MGRN1: variants seen among roughly 807,000 people sequenced by gnomAD.
MGRN1 encodes the protein E3 ubiquitin-protein ligase MGRN1.
MGRN1 carries 29 observed loss-of-function variants against 69.2 expected under a neutral mutation model. The observed-to-expected ratio is 0.42, with a 90% confidence interval of 0.31 to 0.57. The LOEUF is 0.57. Ranked by LOEUF, MGRN1 falls within the 20% of genes least tolerant of loss-of-function variation. MGRN1 has a pLI of 0.15. For missense variants in MGRN1, 998 were observed against 796.2 expected (o/e 1.25, Z -3.05); for synonymous variants, 470 against 344.2 (o/e 1.37, Z -4.04).
In MGRN1 at chr16:4,688,903, C is replaced by G; in HGVS notation, c.1726C>G (p.Leu576Val). 1 of 1,542,164 alleles carries G rather than the reference C, an allele frequency of 6.5e-7. No individual in the cohort carries two copies. The highest frequency in any genetic ancestry group is 8.8e-7 in the Non-Finnish European group (1 of 1,140,178). Reference sequence around the variant, plus strand: ...TCCCAGCGCCGCCGAGCTGACCCCACTCTGAGAGCCTGGCCGAGCTGGCAG... The same window carrying G: ...TCCCAGCGCCGCCGAGCTGACCCCAGTCTGAGAGCCTGGCCGAGCTGGCAG... ...PDPSAAELTPL is the reference protein window; with the variant it reads ...PDPSAAELTPV Residue 576 changes from leucine (L) to valine (V), a missense_variant, in exon 17 of 17, where the codon CTC becomes GTC. By Grantham distance (32) the Leu-to-Val change is conservative. Transcript: ENST00000262370.
At position 4,688,416 on chromosome 16, in the gene MGRN1, C is replaced by T. The variant is rs117079447; in HGVS notation, c.1619-380C>T. 6.2e-3 allele frequency: 6,458 copies of T among 1,034,088 alleles called. 35 individuals carry two copies. Among genetic ancestry groups the T allele is most frequent in the Middle Eastern group, 0.013 (28 of 2,174 alleles). The allele number at this position is 1,034,088 out of a possible 1,614,324, so 64.1% of individuals were successfully genotyped here. A position where few individuals can be genotyped will look rare whatever the true frequency, so the allele number is the denominator to read the frequency against. ...CCTGCACCCTGGGTTGACCGAGTTC[C>T]ACCCTAACCCAGCCGTAAGAACCTT... On this transcript the variant is annotated intron_variant, in intron 16 of 16. Transcript: ENST00000262370.
chr16:4,646,422 CAA>C (rs530306184), intron 1 of MGRN1, among the ~76,000 whole-genome samples: 9 of 140,628 alleles, frequency 6.4e-5, no homozygotes, highest in African/African-American at 7.7e-5. Flanking sequence ...GACCCTGTCT[CAA>C]AAAAAAAAAA....
intron 10 of MGRN1, among the ~76,000 whole-genome samples, chr16:4,674,578 C>CTTTTTT (rs113342903): frequency 8.4e-6 from 1 of 119,014 alleles, no homozygotes; most frequent in African/African-American, 3.3e-5. Context: ...TGAGCCACCG[C>CTTTTTT]TTTTTTTTTT....
At chr16:4,653,519 C>T (rs527610819) in intron 4 of MGRN1, among the ~76,000 whole-genome samples, 2 of 152,342 alleles carry the variant, frequency 1.3e-5, no homozygotes, top group African/African-American at 4.8e-5. Context: ...GACGAAGCCT[C>T]ACTCTGCTGC....
chr16:4,678,567 A>G (rs1316740687), intron 11 of MGRN1, among the ~76,000 whole-genome samples: 2 of 152,100 alleles, frequency 1.3e-5, no homozygotes, highest in Admixed American at 6.5e-5. Context: ...ACAGGGTGAG[A>G]GAGATGTGGA....
chr16:4,645,154 G>A (rs1191534720), intron 1 of MGRN1, among the ~76,000 whole-genome samples: 1 of 148,570 alleles, frequency 6.7e-6, no homozygotes, highest in Non-Finnish European at 1.5e-5. Context: ...GCGGGGGTGG[G>A]GGTGGTGGTG....
chr16:4,631,223 A>G (rs557619255), intron 1 of MGRN1, among the ~76,000 whole-genome samples: 1 of 152,208 alleles, frequency 6.6e-6, no homozygotes, highest in Non-Finnish European at 1.5e-5. Flanking sequence ...AGAGACTATC[A>G]TCTTCCCATC....
chr16:4,658,286 A>G (rs1261698464), intron 5 of MGRN1, among the ~76,000 whole-genome samples: 1 of 151,618 alleles, frequency 6.6e-6, no homozygotes, highest in Non-Finnish European at 1.5e-5. Flanking sequence ...CTGTAATCCC[A>G]GCACTTTGGG....
At chr16:4,644,525 G>A (rs866177740) in intron 1 of MGRN1, among the ~76,000 whole-genome samples, 15 of 151,826 alleles carry the variant, frequency 9.9e-5, no homozygotes. Flanking sequence ...GGTCAGGCTG[G>A]TCTCCAACTC....
At chr16:4,655,056 C>A (rs1266401947) in intron 4 of MGRN1, among the ~76,000 whole-genome samples, 1 of 152,212 alleles carries the variant, frequency 6.6e-6, no homozygotes, top group East Asian at 1.9e-4. Context: ...AGGGCAGGCC[C>A]CTCTGTCCCC....
intron 5 of MGRN1, among the ~76,000 whole-genome samples, chr16:4,660,348 C>T (rs74638901): frequency 0.02 from 3,066 of 152,354 alleles, 57 homozygotes; most frequent in Middle Eastern, 0.037. Context: ...TACCTGGAGC[C>T]GCCCACTGTA....
At chr16:4,648,747 G>A (rs1299310308) in intron 1 of MGRN1, among the ~76,000 whole-genome samples, 4 of 121,788 alleles carry the variant, frequency 3.3e-5, no homozygotes, top group African/African-American at 3.5e-5. Context: ...GACTCTTCCC[G>A]TGGTCACCCG....
Position 4,682,836 on chromosome 16 carries a change from C to A in MGRN1, c.1372C>A (p.Pro458Thr). The change falls in exon 14 of 17, where the codon CCG (proline) becomes ACG (threonine). Residue 458 changes from proline (P) to threonine (T), a missense_variant. Transcript: ENST00000262370. ...CTCTGTCCCCAGCACCCTACGGTCC[C>A]CGTCTTCCCCCATCCACGAAGAGGA... ...SKAPDSTLRS[P>T]SSPIHEEDEE... is the part of the protein sequence containing the mutation. 1.3e-6 allele frequency: 2 copies of A among 1,592,404 alleles called. No homozygotes were observed. Among genetic ancestry groups the A allele is most frequent in the Non-Finnish European group, 1.7e-6 (2 of 1,165,486 alleles).
intron 7 of MGRN1, among the ~76,000 whole-genome samples, chr16:4,667,586 C>T (rs562774883): frequency 2.6e-5 from 4 of 152,336 alleles, no homozygotes; most frequent in Middle Eastern, 6.8e-3. Flanking sequence ...TGGAGTCCAA[C>T]ATTCTGGAAA....
chr16:4,650,275 C>T, intron 1 of MGRN1, 90 bp from the exon 2 acceptor site: 1 of 1,019,410 alleles, frequency 9.8e-7, no homozygotes, highest in South Asian at 1.6e-5. Context: ...TGCACTCCAG[C>T]CTGGGTGGAG....
chr16:4,683,085 T>C, intron 14 of MGRN1, 139 bp downstream of exon 14: 3 of 1,497,266 alleles, frequency 2.0e-6, no homozygotes, highest in Non-Finnish European at 2.7e-6. Context: ...GCGCGGCTCC[T>C]TAGCCTCGGT....
intron 1 of MGRN1, among the ~76,000 whole-genome samples, chr16:4,641,450 A>C (rs544255255): frequency 6.6e-6 from 1 of 150,834 alleles, no homozygotes; most frequent in South Asian, 2.1e-4. Context: ...CTGGGCTCGC[A>C]TGGTCCTTCT....
At chr16:4,628,143 T>C (rs1897789610) in intron 1 of MGRN1, among the ~76,000 whole-genome samples, 1 of 150,108 alleles carries the variant, frequency 6.7e-6, no homozygotes, top group South Asian at 2.1e-4. Flanking sequence ...TCCCAGCACT[T>C]TGGGAGGCCG....
chr16:4,674,831 G>A lies in MGRN1; in HGVS notation c.955+1174G>A, dbSNP rs549165010. ...AATTTTTTGTATTTTTAGTAGAGAC[G>A]GGGTTTCACCTTGTTAGCCAGGATG... On this transcript the variant is annotated intron_variant, in intron 10 of 16. Coordinates refer to ENST00000262370, the MANE Select transcript of MGRN1 (RefSeq NM_015246.4). Among the ~76,000 whole-genome samples the A allele has an allele frequency of 3.8e-3, 560 of 148,778 alleles. 2 individuals carry two copies. The highest frequency in any genetic ancestry group is 0.013 in the African/African-American group (531 of 40,414).
Sources: gnomAD v4.1 joint callset for allele counts (sites outside exome capture counted in the v4.1 genomes callset) on GRCh38, gnomAD v4.1.1 for gene constraint, MANE v1.5 for transcripts, NCBI Gene and HGNC (gene_info 2026-07-23, HGNC 2026-07-21) for gene names.